The following ELMO1 variants were observed in gnomAD, a reference collection of about 807,000 sequenced individuals.
The protein encoded by ELMO1 is engulfment and cell motility 1.
In ELMO1, 26 loss-of-function variants were observed where a neutral mutation model predicts 98.9. That is an observed-to-expected ratio of 0.26 (90% confidence interval 0.19 to 0.36). ELMO1 has a LOEUF of 0.36. ELMO1 is among the 10% of genes least tolerant of loss of function. The pLI is 1.00. For synonymous variants in ELMO1, 346 were observed against 346.0 expected, an observed-to-expected ratio of 1.00 and a Z score of 0.00; for missense variants, 627 against 935.2, an observed-to-expected ratio of 0.67 and a Z score of 4.30.
chr7:36,855,774 C>T lies in ELMO1; in HGVS notation c.1984-23G>A, dbSNP rs374523052. 2.5e-6 allele frequency: 4 copies of T among 1,613,396 alleles called. No homozygotes were observed. Among genetic ancestry groups the T allele is most frequent in the African/African-American group, 1.3e-5 (1 of 74,998 alleles). ...GTACTGGCAGGAAGGGAGGCAACAGCGATCATTACTGGTGGCAATTACAGA... is the reference window on the plus strand; with the variant it reads ...GTACTGGCAGGAAGGGAGGCAACAGTGATCATTACTGGTGGCAATTACAGA... On this transcript the variant is annotated intron_variant, in intron 21 of 21. Coordinates refer to ENST00000310758, the MANE Select transcript of ELMO1 (RefSeq NM_014800.11). The surrounding 1 kb of genome is among the most constrained non-coding windows in gnomAD (Gnocchi z 4.2).
chr7:37,243,172 A>G (rs1380627401), intron 7 of ELMO1, among the ~76,000 whole-genome samples: 1 of 152,214 alleles, frequency 6.6e-6, no homozygotes, highest in Non-Finnish European at 1.5e-5. Context: ...ACTGTCCAGC[A>G]TATCTACATA....
At chr7:37,069,186 G>C (rs1049332979) in intron 15 of ELMO1, among the ~76,000 whole-genome samples, 2 of 151,992 alleles carry the variant, frequency 1.3e-5, no homozygotes, top group Non-Finnish European at 2.9e-5. Context: ...TTACTCCCAG[G>C]GTTGGCCAGT....
chr7:37,376,492 G>C (rs1034344841), intron 1 of ELMO1, among the ~76,000 whole-genome samples: 2 of 152,178 alleles, frequency 1.3e-5, no homozygotes, highest in Non-Finnish European at 2.9e-5. Flanking sequence ...TGGTCTTTGA[G>C]ATACGTTTCA....
At position 37,133,154 on chromosome 7, in the gene ELMO1, C is replaced by G; in HGVS notation, c.1167G>C (p.Lys389Asn). 6.2e-7 allele frequency: 1 copy of G among 1,610,670 alleles called. No homozygotes were observed. The highest frequency in any genetic ancestry group is 2.2e-5 in the East Asian group (1 of 44,608). ...LALDNMLYFA[K>N]HHQDAYIRIV... is the part of the protein sequence containing the mutation. ...CCCGGATGTAGGCATCTTGGTGGTG[C>G]TTGGCAAAGTACAGCATGTTGTCCA... Residue 389 changes from lysine (K) to asparagine (N), a missense_variant, in exon 14 of 22, where the codon AAG becomes AAC. Lys to Asn is a moderately conservative substitution (Grantham distance 94). This residue lies in a region of ELMO1 where 492 missense variants were observed against 715.6 expected (regional missense o/e 0.69). Coordinates refer to ENST00000310758, the MANE Select transcript of ELMO1 (RefSeq NM_014800.11).
At chr7:37,108,218 A>T (rs1011956072) in intron 14 of ELMO1, among the ~76,000 whole-genome samples, 1 of 152,146 alleles carries the variant, frequency 6.6e-6, no homozygotes, top group African/African-American at 2.4e-5. Flanking sequence ...ATGAATCATA[A>T]ATCTTGCCTA....
rs60918785 is a variant in ELMO1, at chr7:37,050,609, A to AACACACACACAC, written c.1301-37186_1301-37175dup. On this transcript the variant is annotated intron_variant, in intron 15 of 21. Transcript: ENST00000310758. ...AAGAGAGTAGATTTTAGGTGCTCTG[A>AACACACACACAC]ACACACACACACACACACACACACA... is the stretch of plus-strand genomic sequence containing the variant. Among the ~76,000 whole-genome samples, 320 of 129,584 alleles carry AACACACACACAC rather than the reference A, an allele frequency of 2.5e-3. 3 individuals carry two copies. Among genetic ancestry groups the AACACACACACAC allele is most frequent in the East Asian group, 0.011 (46 of 4,344 alleles). 85.0% of individuals were successfully genotyped at this position (129,584 alleles called of 152,430 possible).
intron 1 of ELMO1, among the ~76,000 whole-genome samples, chr7:37,442,612 G>GGAC (rs1265834359): frequency 6.6e-6 from 1 of 152,188 alleles, no homozygotes; most frequent in Non-Finnish European, 1.5e-5. Context: ...GTTGGCTGAT[G>GGAC]GACATACTGT....
At chr7:36,896,532 C>G (rs1303557754) in intron 16 of ELMO1, among the ~76,000 whole-genome samples, 1 of 152,186 alleles carries the variant, frequency 6.6e-6, no homozygotes, top group African/African-American at 2.4e-5. Context: ...GACAGATAAT[C>G]TGGAACACCA....
chr7:37,352,623 T>A (rs1272982881), intron 1 of ELMO1, among the ~76,000 whole-genome samples: 1 of 152,168 alleles, frequency 6.6e-6, no homozygotes, highest in Non-Finnish European at 1.5e-5. Flanking sequence ...CGCTAAATAG[T>A]CTTGGCCAGA....
At chr7:37,002,668 C>G (rs1472617967) in intron 16 of ELMO1, among the ~76,000 whole-genome samples, 2 of 152,188 alleles carry the variant, frequency 1.3e-5, no homozygotes, top group Non-Finnish European at 2.9e-5. Context: ...AAATAAATAT[C>G]TGTTGAAAGA....
At chr7:37,021,736 A>C (rs1318297424) in intron 15 of ELMO1, among the ~76,000 whole-genome samples, 1 of 152,206 alleles carries the variant, frequency 6.6e-6, no homozygotes, top group Non-Finnish European at 1.5e-5. Flanking sequence ...TGTTAAGATT[A>C]AATGTAGAGT....
At chr7:37,091,513 A>G (rs1784091926) in intron 15 of ELMO1, among the ~76,000 whole-genome samples, 2 of 152,024 alleles carry the variant, frequency 1.3e-5, no homozygotes, top group South Asian at 4.2e-4. Flanking sequence ...TAATGACTTC[A>G]CATTGACAGT....
intron 13 of ELMO1, among the ~76,000 whole-genome samples, chr7:37,191,143 C>A (rs1425413736): frequency 1.4e-5 from 2 of 144,388 alleles, no homozygotes; most frequent in African/African-American, 5.1e-5. Flanking sequence ...GAGCCGAGAC[C>A]GCGCCACTGC....
rs1793779452 is a variant in ELMO1 at position 37,224,878 on chromosome 7, C to A, written c.701+1G>T. 6.2e-7 allele frequency: 1 copy of A among 1,613,708 alleles called. No homozygotes were observed. The highest frequency in any genetic ancestry group is 8.5e-7 in the Non-Finnish European group (1 of 1,179,754). On this transcript the variant is annotated splice_donor_variant, in intron 9 of 21. Coordinates refer to ENST00000310758, the MANE Select transcript of ELMO1 (RefSeq NM_014800.11). LOFTEE classifies it high-confidence loss of function. ...TCCCCAGAGCATCTTGGCATGCTTA[C>A]CCTTGCAGGTGTGGAATGAGCTGGC...
intron 4 of ELMO1, among the ~76,000 whole-genome samples, chr7:37,291,479 A>T (rs1797676413): frequency 6.6e-6 from 1 of 152,226 alleles, no homozygotes; most frequent in African/African-American, 2.4e-5. Flanking sequence ...ACATATAAAC[A>T]ACTCCTGTAA....
At chr7:36,884,560 C>T (rs1804769469) in intron 18 of ELMO1, among the ~76,000 whole-genome samples, 1 of 152,136 alleles carries the variant, frequency 6.6e-6, no homozygotes, top group African/African-American at 2.4e-5. Flanking sequence ...ACAGGGACTT[C>T]AACCCAGCTT....
intron 16 of ELMO1, among the ~76,000 whole-genome samples, chr7:36,932,020 T>C (rs570412634): frequency 6.6e-6 from 1 of 152,370 alleles, no homozygotes; most frequent in East Asian, 1.9e-4. Flanking sequence ...AGATTCAATA[T>C]ACTAAAACAC....
At chr7:37,448,036 G>A (rs990455609) in intron 1 of ELMO1, among the ~76,000 whole-genome samples, 2 of 152,096 alleles carry the variant, frequency 1.3e-5, no homozygotes, top group East Asian at 2.0e-4. Context: ...TCCCCGGGAG[G>A]AGAGTATTTA....
At chr7:37,358,870 G>A (rs143874432) in intron 1 of ELMO1, among the ~76,000 whole-genome samples, 1 of 152,342 alleles carries the variant, frequency 6.6e-6, no homozygotes, top group African/African-American at 2.4e-5. Flanking sequence ...GACGGGGTAG[G>A]TTGGTAAGAA....
Sources: allele counts gnomAD v4.1 joint callset (sites outside exome capture counted in the v4.1 genomes callset), GRCh38; gene constraint gnomAD v4.1.1; regional missense constraint gnomAD v4.1.1; non-coding constraint Gnocchi (gnomAD v3.1); transcripts MANE v1.5; gene names NCBI Gene and HGNC (gene_info 2026-07-23, HGNC 2026-07-21).